The following KIAA0586 variants were observed in gnomAD, a reference collection of about 807,000 sequenced individuals.
KIAA0586 encodes KIAA0586.
A neutral mutation model predicts 169.8 loss-of-function variants in KIAA0586; 144 were observed. The observed-to-expected ratio is 0.85, with a 90% CI of 0.74 to 0.97. KIAA0586 has a LOEUF of 0.97. Among genes scored for constraint, KIAA0586 ranks in the 50% least tolerant of loss-of-function variants. The pLI is 0.00. For missense variants in KIAA0586, 1,854 were observed against 1,823.0 expected, an observed-to-expected ratio of 1.02 and a Z score of -0.31; for synonymous variants, 625 against 612.4, an observed-to-expected ratio of 1.02 and a Z score of -0.30.
At chr14:58,488,334 TA>T (rs2042613543) in intron 23 of KIAA0586, among the ~76,000 whole-genome samples, 1 of 152,192 alleles carries the variant, frequency 6.6e-6, no homozygotes, top group South Asian at 2.1e-4. Context: ...AGGTATCTAT[TA>T]TATTGTTAAT....
chr14:58,486,484 A>G (rs1743703), intron 21 of KIAA0586, among the ~76,000 whole-genome samples: 148,594 of 152,188 alleles, frequency 0.98, 72,637 homozygotes, highest in Non-Finnish European at 1. Flanking sequence ...AAAAGAAGAC[A>G]TACAAGCAGT....
At chr14:58,491,815 G>A (rs1360097232) in intron 25 of KIAA0586, among the ~76,000 whole-genome samples, 3 of 152,240 alleles carry the variant, frequency 2.0e-5, no homozygotes, top group Non-Finnish European at 4.4e-5. Context: ...GGAGGAGGCT[G>A]TGACCCAAAA....
intron 26 of KIAA0586, among the ~76,000 whole-genome samples, chr14:58,494,378 G>T (rs1566896103): frequency 7.1e-6 from 1 of 140,006 alleles, no homozygotes; most frequent in African/African-American, 2.6e-5. Context: ...CGCCTACTCT[G>T]TGTCTGTCTG....
intron 29 of KIAA0586, among the ~76,000 whole-genome samples, chr14:58,516,787 G>C (rs1015162564): frequency 2.0e-5 from 3 of 152,008 alleles, no homozygotes; most frequent in Non-Finnish European, 4.4e-5. Flanking sequence ...TGGAATATTG[G>C]CATAAATATC....
chr14:58,544,095 C>G (rs2046835027), intron 30 of KIAA0586: 2 of 295,334 alleles, frequency 6.8e-6, no homozygotes, highest in African/African-American at 4.5e-5. Context: ...ATTTAGTTCC[C>G]ACTTATAAGT....
downstream of KIAA0586, among the ~76,000 whole-genome samples, chr14:58,551,614 T>C (rs1260524975): frequency 2.0e-5 from 3 of 151,998 alleles, no homozygotes; most frequent in African/African-American, 7.2e-5. Flanking sequence ...ATACAAAAAT[T>C]AGCCAGATGT....
intron 21 of KIAA0586, among the ~76,000 whole-genome samples, chr14:58,483,078 G>T (rs1387369202): frequency 6.6e-5 from 10 of 152,162 alleles, no homozygotes. Context: ...GTTGTCCATT[G>T]GTGTACGTGG....
At chr14:58,509,305 C>T (rs1376834736) in intron 28 of KIAA0586, among the ~76,000 whole-genome samples, 4 of 152,124 alleles carry the variant, frequency 2.6e-5, no homozygotes, top group Non-Finnish European at 5.9e-5. Context: ...TATCTGCATG[C>T]AATACCTAGC....
At chr14:58,545,500 A>G (rs937161941) in intron 30 of KIAA0586, among the ~76,000 whole-genome samples, 1 of 152,238 alleles carries the variant, frequency 6.6e-6, no homozygotes, top group Admixed American at 6.5e-5. Flanking sequence ...TGGCAGATGC[A>G]TAACTCAAGG....
intron 24 of KIAA0586, among the ~76,000 whole-genome samples, chr14:58,489,134 C>T (rs2042667025): frequency 6.6e-6 from 1 of 151,556 alleles, no homozygotes; most frequent in African/African-American, 2.4e-5. Flanking sequence ...TTTGTCTATG[C>T]ATATATAGAC....
chr14:58,530,152 T>A (rs2045866785), intron 29 of KIAA0586, among the ~76,000 whole-genome samples: 1 of 152,094 alleles, frequency 6.6e-6, no homozygotes, highest in Non-Finnish European at 1.5e-5. Context: ...TTTGAAGGAC[T>A]TTTTCAAGGA....
intron 8 of KIAA0586, 52 bp from the exon 9 acceptor site, chr14:58,453,298 A>G (rs942825937): frequency 2.7e-5 from 27 of 983,476 alleles, no homozygotes; most frequent in Non-Finnish European, 3.6e-5. Flanking sequence ...TATTATATAC[A>G]AGAGAAATGA....
chr14:58,470,578 A>T lies in KIAA0586; in HGVS notation c.2443-35A>T, dbSNP rs746643593. On this transcript the variant is annotated intron_variant, in intron 16 of 30. Transcript: ENST00000652326. ...TCATAAAAATATTTGAGTAAAAATGATAAACAGAAAGCTGAATGTTGTATT... is the reference window on the plus strand; with the variant it reads ...TCATAAAAATATTTGAGTAAAAATGTTAAACAGAAAGCTGAATGTTGTATT... 4 of 1,269,310 alleles carry T rather than the reference A, an allele frequency of 3.2e-6. No homozygotes were observed. The African/African-American group carries it at 4.4e-5, about 14-fold the overall frequency. The allele number at this position is 1,269,310 out of a possible 1,614,324, so 78.6% of individuals were successfully genotyped here. A position where few individuals can be genotyped will look rare whatever the true frequency, so the allele number is the denominator to read the frequency against.
At position 58,498,786 on chromosome 14, in the gene KIAA0586, T is replaced by G; in HGVS notation, c.3994T>G (p.Leu1332Val). The change falls in exon 27 of 31, where the codon TTG becomes GTG. Residue 1332 changes from leucine to valine, a missense_variant. Coordinates refer to ENST00000652326, the MANE Select transcript of KIAA0586 (RefSeq NM_001329943.3). Reference protein sequence around the residue: ...SQQAVYHSEDLENSVGELSEG... With the variant: ...SQQAVYHSEDVENSVGELSEG... ...CAATTGTTTCTGCTTTTTAAAGGAC[T>G]TGGAAAACAGTGTGGGTGAACTTAG... The G allele has an allele frequency of 6.3e-7, 1 of 1,590,376 alleles. No individual in the cohort carries two copies. Among genetic ancestry groups the G allele is most frequent in the East Asian group, 2.2e-5 (1 of 44,590 alleles).
intron 14 of KIAA0586, chr14:58,464,200 A>T (rs1423735855): frequency 3.0e-6 from 1 of 328,848 alleles, no homozygotes; most frequent in Non-Finnish European, 5.9e-6. Flanking sequence ...GGAATCTGGA[A>T]CATCATTTTT....
chr14:58,533,474 CA>C (rs1343727537), intron 29 of KIAA0586, among the ~76,000 whole-genome samples: 10 of 152,168 alleles, frequency 6.6e-5, no homozygotes, highest in Non-Finnish European at 1.5e-4. Flanking sequence ...TTCTTGTTTG[CA>C]TCAACTCTGG....
At position 58,462,464 on chromosome 14, in the gene KIAA0586, G is replaced by A. The variant is rs2040406871; in HGVS notation, c.2059+1304G>A. Among the ~76,000 whole-genome samples, 6 of 152,070 alleles carry A rather than the reference G, an allele frequency of 3.9e-5. No homozygotes were observed. In the South Asian group the frequency reaches 1.2e-3, roughly 32 times the overall value. ...GACAGGGTTTTGCCACATTGGCCAGGCTCGTCTTGAACTCCTGACCTCAGG... is the reference window on the plus strand; with the variant it reads ...GACAGGGTTTTGCCACATTGGCCAGACTCGTCTTGAACTCCTGACCTCAGG... On this transcript the variant is annotated intron_variant, in intron 14 of 30. Transcript: ENST00000652326.
Position 58,522,361 on chromosome 14 carries a change from C to G in KIAA0586, c.4429+9734C>G, listed in dbSNP as rs116083619. Among the ~76,000 whole-genome samples, 517 of 152,294 alleles carry G rather than the reference C, an allele frequency of 3.4e-3. 5 individuals are homozygous for G. Among genetic ancestry groups the G allele is most frequent in the African/African-American group, 0.012 (484 of 41,560 alleles). ...AGTTCAGTAGTTGCTTCCCTAACTG[C>G]AAAGGCAATCTCCTTTAGTTGAGTA... On this transcript the variant is annotated intron_variant, in intron 29 of 30. Transcript: ENST00000652326.
chr14:58,537,033 A>G, intron 29 of KIAA0586: 1 of 1,272,846 alleles, frequency 7.9e-7, no homozygotes, highest in Non-Finnish European at 1.0e-6. Flanking sequence ...AAAGAATTGT[A>G]AGAACTGACA....
Sources: allele counts gnomAD v4.1 joint callset (sites outside exome capture counted in the v4.1 genomes callset), GRCh38; gene constraint gnomAD v4.1.1; transcripts MANE v1.5; gene names NCBI Gene and HGNC (gene_info 2026-07-23, HGNC 2026-07-21).